The following CDH12 variants were observed in gnomAD, a reference collection of about 807,000 sequenced individuals.
The protein encoded by CDH12 is cadherin 12.
A neutral mutation model predicts 74.1 loss-of-function variants in CDH12; 41 were observed. The ratio of observed to expected loss-of-function variants is 0.55; its 90% CI spans 0.43 to 0.72. The LOEUF (loss-of-function observed/expected upper bound fraction) is 0.72. Among genes scored for constraint, CDH12 ranks in the 30% least tolerant of loss-of-function variants. The probability of loss-of-function intolerance (pLI) is 0.00; values close to 1 mark genes in which losing one functional copy is unlikely to be tolerated. For synonymous variants in CDH12, 399 were observed against 355.0 expected (o/e 1.12, Z -1.39); for missense variants, 945 against 977.2 (o/e 0.97, Z 0.44).
chr5:22,630,988 A>G (rs977515714), intron 1 of CDH12, among the ~76,000 whole-genome samples: 4 of 152,202 alleles, frequency 2.6e-5, no homozygotes, highest in Non-Finnish European at 5.9e-5. Context: ...GTGCATGGAC[A>G]GACACCTCTG....
At chr5:21,856,709 C>G (rs1750772607) in intron 6 of CDH12, among the ~76,000 whole-genome samples, 1 of 151,604 alleles carries the variant, frequency 6.6e-6, no homozygotes, top group South Asian at 2.1e-4. Flanking sequence ...TTTTACAGCT[C>G]AAATATTTAA....
intron 8 of CDH12, among the ~76,000 whole-genome samples, chr5:21,819,916 T>A (rs899231678): frequency 6.6e-6 from 1 of 151,996 alleles, no homozygotes. Context: ...TGAGAGCCAG[T>A]TGAAGTTACA....
At chr5:22,386,358 C>T (rs1742001759) in intron 3 of CDH12, among the ~76,000 whole-genome samples, 1 of 152,134 alleles carries the variant, frequency 6.6e-6, no homozygotes, top group Non-Finnish European at 1.5e-5. Flanking sequence ...CCAAGCCATA[C>T]CATTGCCTAA....
intron 3 of CDH12, among the ~76,000 whole-genome samples, chr5:22,262,024 A>T (rs1300253076): frequency 6.6e-6 from 1 of 152,158 alleles, no homozygotes; most frequent in Non-Finnish European, 1.5e-5. Context: ...GAAATGTTTC[A>T]GTCATTTTAT....
chr5:22,418,397 C>T (rs1253260832), intron 2 of CDH12, among the ~76,000 whole-genome samples: 1 of 152,106 alleles, frequency 6.6e-6, no homozygotes, highest in East Asian at 1.9e-4. Context: ...TGCAAACAGA[C>T]ACAATTTGAC....
intron 5 of CDH12, among the ~76,000 whole-genome samples, chr5:22,053,978 C>G (rs892107095): frequency 3.5e-4 from 53 of 151,716 alleles, no homozygotes; most frequent in Admixed American, 3.5e-3. Flanking sequence ...AAGTCATTTC[C>G]AAGACAATTA....
At chr5:22,207,024 T>C (rs990594799) in intron 4 of CDH12, among the ~76,000 whole-genome samples, 8 of 150,590 alleles carry the variant, frequency 5.3e-5, no homozygotes, top group Admixed American at 5.3e-4. Flanking sequence ...CCATCCTGGC[T>C]AACATGGTGA....
chr5:22,344,670 C>T (rs1032647423), intron 3 of CDH12, among the ~76,000 whole-genome samples: 2 of 152,016 alleles, frequency 1.3e-5, no homozygotes, highest in African/African-American at 4.8e-5. Flanking sequence ...AGACTAAATT[C>T]TCTGACTCTA....
At chr5:22,599,522 T>C (rs1437673176) in intron 1 of CDH12, among the ~76,000 whole-genome samples, 1 of 152,122 alleles carries the variant, frequency 6.6e-6, no homozygotes, top group Admixed American at 6.6e-5. Context: ...ACAGTTCTTA[T>C]CATTGAAGTT....
chr5:22,235,771 A>C (rs548998680), intron 3 of CDH12, among the ~76,000 whole-genome samples: 20 of 152,296 alleles, frequency 1.3e-4, no homozygotes, highest in South Asian at 2.1e-4. Context: ...AAAATAAGGA[A>C]AAGTTCATAC....
chr5:21,752,529 G>A (rs1896732), intron 14 of CDH12, among the ~76,000 whole-genome samples: 109,545 of 152,056 alleles, frequency 0.72, 39,865 homozygotes, highest in Non-Finnish European at 0.74. Flanking sequence ...AAAGGAAATA[G>A]TAGTTCTTCC....
chr5:22,687,182 C>A (rs1741847801), intron 1 of CDH12, among the ~76,000 whole-genome samples: 1 of 151,948 alleles, frequency 6.6e-6, no homozygotes, highest in South Asian at 2.1e-4. Context: ...TAATCCCAGC[C>A]TCTCGGGAGG....
chr5:22,064,726 A>T (rs1236451959), intron 5 of CDH12, among the ~76,000 whole-genome samples: 1 of 152,160 alleles, frequency 6.6e-6, no homozygotes, highest in Non-Finnish European at 1.5e-5. Flanking sequence ...ACATTACTGA[A>T]AAAAGTGAAG....
intron 2 of CDH12, among the ~76,000 whole-genome samples, chr5:22,482,098 T>C (rs1281042402): frequency 6.6e-6 from 1 of 152,142 alleles, no homozygotes; most frequent in African/African-American, 2.4e-5. Context: ...AAAATCCTGA[T>C]TTCTATTGGG....
intron 6 of CDH12, among the ~76,000 whole-genome samples, chr5:21,932,387 C>A (rs1294660378): frequency 6.6e-6 from 1 of 152,070 alleles, no homozygotes; most frequent in Non-Finnish European, 1.5e-5. Context: ...CAGTTAAAAA[C>A]ACAAACATAA....
chr5:22,037,087 A>G (rs946508576), intron 5 of CDH12, among the ~76,000 whole-genome samples: 1 of 152,238 alleles, frequency 6.6e-6, no homozygotes, highest in African/African-American at 2.4e-5. Context: ...ATCAAACATT[A>G]ACGTAGACAT....
intron 5 of CDH12, among the ~76,000 whole-genome samples, chr5:21,981,132 T>A (rs1431423670): frequency 6.6e-6 from 1 of 152,168 alleles, no homozygotes; most frequent in African/African-American, 2.4e-5. Flanking sequence ...ATTCGAATAA[T>A]ATTTGTTGAC....
chr5:22,657,101 C>G (rs1397619735), intron 1 of CDH12, among the ~76,000 whole-genome samples: 1 of 152,126 alleles, frequency 6.6e-6, no homozygotes, highest in Non-Finnish European at 1.5e-5. Context: ...AATAATTGAA[C>G]TATTTCTAGA....
At chr5:22,819,083 G>C (rs1308622434) in intron 1 of CDH12, among the ~76,000 whole-genome samples, 2 of 152,110 alleles carry the variant, frequency 1.3e-5, no homozygotes, top group Non-Finnish European at 2.9e-5. Flanking sequence ...AAATGAATCA[G>C]TGTGTTGGAG....
Sources: gnomAD v4.1 joint callset for allele counts (sites outside exome capture counted in the v4.1 genomes callset) on GRCh38, gnomAD v4.1.1 for gene constraint, MANE v1.5 for transcripts, NCBI Gene and HGNC (gene_info 2026-07-23, HGNC 2026-07-21) for gene names.